Variants in SMG6 observed in about 807,000 individuals in gnomAD.
SMG6 encodes the protein telomerase-binding protein EST1A.
SMG6 carries 66 observed loss-of-function variants against 142.2 expected under a neutral mutation model. That is an observed-to-expected ratio of 0.46 (90% confidence interval 0.38 to 0.57). The LOEUF is 0.57. SMG6 is among the 20% of genes least tolerant of loss of function. The pLI is 0.00. For synonymous variants in SMG6, 779 were observed against 702.4 expected (o/e 1.11, Z -1.72); for missense variants, 1,793 against 1,832.0 (o/e 0.98, Z 0.39).
intron 6 of SMG6, among the ~76,000 whole-genome samples, chr17:2,290,690 G>A (rs939149445): frequency 6.6e-6 from 1 of 152,144 alleles, no homozygotes; most frequent in Non-Finnish European, 1.5e-5. Flanking sequence ...GAAGAAAATA[G>A]ATGCAAATCA....
chr17:2,235,217 A>G (rs1289785956), intron 10 of SMG6, among the ~76,000 whole-genome samples: 1 of 152,192 alleles, frequency 6.6e-6, no homozygotes, highest in East Asian at 1.9e-4. Flanking sequence ...CCATCTCAGG[A>G]AAAATTAGCC....
At chr17:2,136,457 T>C (rs187586311) in intron 13 of SMG6, among the ~76,000 whole-genome samples, 2 of 152,322 alleles carry the variant, frequency 1.3e-5, no homozygotes, top group Admixed American at 6.5e-5. Context: ...ATCTATCTCA[T>C]TGATTCTAAA....
At chr17:2,262,357 G>C (rs1347326288) in intron 8 of SMG6, among the ~76,000 whole-genome samples, 2 of 152,202 alleles carry the variant, frequency 1.3e-5, no homozygotes, top group African/African-American at 4.8e-5. Context: ...TTCTAAGCTT[G>C]AGCCAAATCA....
intron 8 of SMG6, among the ~76,000 whole-genome samples, chr17:2,258,038 T>TATAC (rs1307327276): frequency 1.1e-5 from 1 of 89,280 alleles, no homozygotes; most frequent in African/African-American, 4.6e-5. Flanking sequence ...AAAAAAAATA[T>TATAC]ACACACACAC....
At chr17:2,153,765 T>C (rs1379082803) in intron 13 of SMG6, among the ~76,000 whole-genome samples, 2 of 95,732 alleles carry the variant, frequency 2.1e-5, no homozygotes, top group African/African-American at 9.2e-5. Context: ...AGTGTGACGG[T>C]GACTGGGAAA....
intron 8 of SMG6, among the ~76,000 whole-genome samples, chr17:2,259,385 G>A (rs1334534564): frequency 1.3e-5 from 2 of 152,160 alleles, no homozygotes; most frequent in African/African-American, 4.8e-5. Context: ...TGGTGATAAA[G>A]CAACAGGAGC....
chr17:2,239,277 C>G (rs1211674338), intron 9 of SMG6, among the ~76,000 whole-genome samples: 2 of 152,072 alleles, frequency 1.3e-5, no homozygotes, highest in Non-Finnish European at 2.9e-5. Context: ...TAATGTTATA[C>G]TTTTATAAGG....
At chr17:2,167,446 A>T (rs1004941598) in intron 13 of SMG6, among the ~76,000 whole-genome samples, 2 of 152,222 alleles carry the variant, frequency 1.3e-5, no homozygotes, top group African/African-American at 4.8e-5. Context: ...AATAGAACAA[A>T]GAGAGTATTT....
In SMG6 at chr17:2,061,153, G is replaced by A. The variant is rs899876221; in HGVS notation, c.*339C>T. ...AGAAAGTGGCTGCGTCCCCAGGCGA[G>A]AAGGCCCTCCCTCAGCCTTGGAATG... On this transcript the variant is annotated 3_prime_UTR_variant, in exon 19 of 19. Coordinates refer to ENST00000263073, the MANE Select transcript of SMG6 (RefSeq NM_017575.5). 4 of 232,378 alleles carry A rather than the reference G, an allele frequency of 1.7e-5. No homozygotes were observed. Among genetic ancestry groups the A allele is most frequent in the Non-Finnish European group, 3.5e-5 (4 of 115,006 alleles). The allele number at this position is 232,378 out of a possible 1,614,324, so 14.4% of individuals were successfully genotyped here.
At chr17:2,168,702 C>A (rs986389766) in intron 13 of SMG6, among the ~76,000 whole-genome samples, 9 of 151,926 alleles carry the variant, frequency 5.9e-5, no homozygotes, top group Non-Finnish European at 1.0e-4. Context: ...GATGGTGAGA[C>A]CCCGTCTCTA....
At chr17:2,097,646 C>CA (rs939334235) in intron 13 of SMG6, among the ~76,000 whole-genome samples, 3 of 152,054 alleles carry the variant, frequency 2.0e-5, no homozygotes, top group Admixed American at 6.6e-5. Flanking sequence ...TGTAAAAAAA[C>CA]AAAAAACAAA....
chr17:2,290,037 T>C (rs2151391243), intron 6 of SMG6, among the ~76,000 whole-genome samples: 1 of 151,616 alleles, frequency 6.6e-6, no homozygotes, highest in South Asian at 2.1e-4. Context: ...CATGAAAAGA[T>C]GCACATCATT....
At chr17:2,166,799 C>T (rs1453955073) in intron 13 of SMG6, among the ~76,000 whole-genome samples, 1 of 151,990 alleles carries the variant, frequency 6.6e-6, no homozygotes, top group Non-Finnish European at 1.5e-5. Flanking sequence ...GTGAAGTATG[C>T]TAAATGAAAA....
chr17:2,268,348 A>C (rs1280192935), intron 8 of SMG6, among the ~76,000 whole-genome samples: 1 of 152,170 alleles, frequency 6.6e-6, no homozygotes, highest in East Asian at 1.9e-4. Flanking sequence ...CCATGCTCTG[A>C]TCTATAATTG....
Position 2,061,018 on chromosome 17 carries a change from T to G in SMG6, c.*474A>C, listed in dbSNP as rs1276440138. On this transcript the variant is annotated 3_prime_UTR_variant, in exon 19 of 19. Transcript: ENST00000263073. ...CACACCCTGGGCACTTCTTCCTGAC[T>G]TAACCAAAGCCTCTTGAACACATTC... 1.9e-5 allele frequency: 3 copies of G among 157,050 alleles called. No homozygotes were observed. The highest frequency in any genetic ancestry group is 7.2e-5 in the African/African-American group (3 of 41,604). The allele number at this position is 157,050 out of a possible 1,614,324, so 9.7% of individuals were successfully genotyped here. A position where few individuals can be genotyped will look rare whatever the true frequency, so the allele number is the denominator to read the frequency against.
chr17:2,292,808 C>G, intron 5 of SMG6, 63 bp downstream of exon 5: 1 of 1,498,986 alleles, frequency 6.7e-7, no homozygotes, highest in Non-Finnish European at 9.3e-7. Flanking sequence ...GCCTACTGCT[C>G]TTAGTAAGGC....
intron 15 of SMG6, among the ~76,000 whole-genome samples, chr17:2,072,312 C>G (rs2068126450): frequency 6.6e-6 from 1 of 152,078 alleles, no homozygotes; most frequent in African/African-American, 2.4e-5. Context: ...CCACAGTGAT[C>G]CCTGGATAGT....
intron 12 of SMG6, among the ~76,000 whole-genome samples, chr17:2,175,931 T>C (rs759123843): frequency 5.7e-4 from 86 of 152,114 alleles, no homozygotes; most frequent in Admixed American, 2.4e-3. Flanking sequence ...TCATCAGTTA[T>C]CTCCTTTCAT....
At chr17:2,259,271 C>A (rs952877675) in intron 8 of SMG6, among the ~76,000 whole-genome samples, 4 of 151,722 alleles carry the variant, frequency 2.6e-5, no homozygotes, top group Admixed American at 6.6e-5. Flanking sequence ...CCAGTCCAGA[C>A]AATACCATGC....
Sources: gnomAD v4.1 joint callset for allele counts (sites outside exome capture counted in the v4.1 genomes callset) on GRCh38, gnomAD v4.1.1 for gene constraint, MANE v1.5 for transcripts, NCBI Gene and HGNC (gene_info 2026-07-23, HGNC 2026-07-21) for gene names.